Variants in GFRAL observed in about 807,000 individuals in gnomAD.
The protein encoded by GFRAL is GDNF family receptor alpha-like.
GFRAL carries 36 observed loss-of-function variants against 45.4 expected under a neutral mutation model. That is an observed-to-expected ratio of 0.79 (90% CI 0.61 to 1.05). GFRAL has a LOEUF of 1.05. GFRAL is among the 50% of genes least tolerant of loss of function. The pLI, the probability that GFRAL is intolerant of heterozygous loss-of-function variation, is 0.00. For missense variants in GFRAL, 507 were observed against 467.5 expected, an observed-to-expected ratio of 1.08 and a Z score of -0.78; for synonymous variants, 166 against 154.1, an observed-to-expected ratio of 1.08 and a Z score of -0.57.
chr6:55,334,337 T>C (rs1767866508), intron 3 of GFRAL, among the ~76,000 whole-genome samples: 1 of 152,204 alleles, frequency 6.6e-6, no homozygotes, highest in Admixed American at 6.5e-5. Flanking sequence ...GATATTATCT[T>C]TGTTGTTAAG....
At chr6:55,334,613 ATTC>A (rs1236456888) in intron 3 of GFRAL, among the ~76,000 whole-genome samples, 2 of 152,176 alleles carry the variant, frequency 1.3e-5, no homozygotes, top group African/African-American at 4.8e-5. Flanking sequence ...AGAGTGCTCA[ATTC>A]TTCTTTCACA....
intron 3 of GFRAL, 23 bp from the exon 4 acceptor site, chr6:55,350,069 T>C: frequency 7.2e-7 from 1 of 1,387,284 alleles, no homozygotes; most frequent in Admixed American, 1.7e-5. Context: ...AATAATGAAA[T>C]AATTTCTTTG....
At chr6:55,339,615 C>G (rs946919007) in intron 3 of GFRAL, among the ~76,000 whole-genome samples, 3 of 151,610 alleles carry the variant, frequency 2.0e-5, no homozygotes, top group Admixed American at 6.6e-5. Context: ...ATTTTTGAAG[C>G]CAATGAAAGA....
At chr6:55,339,307 A>G (rs1282141776) in intron 3 of GFRAL, among the ~76,000 whole-genome samples, 3 of 152,164 alleles carry the variant, frequency 2.0e-5, no homozygotes, top group African/African-American at 7.2e-5. Flanking sequence ...CATGCTTTGG[A>G]ATATTCGAGT....
intron 4 of GFRAL, among the ~76,000 whole-genome samples, chr6:55,350,487 C>T (rs758621347): frequency 6.6e-6 from 1 of 151,982 alleles, no homozygotes; most frequent in East Asian, 1.9e-4. Context: ...CCAACCTGGA[C>T]AACATGGCAA....
chr6:55,364,355 T>G (rs1312802709), intron 6 of GFRAL, among the ~76,000 whole-genome samples: 5,083 of 146,612 alleles, frequency 0.035, 141 homozygotes, highest in African/African-American at 0.066. Context: ...GTCGGATGAG[T>G]AGGTTGCGAA....
chr6:55,357,903 C>T (rs1387312610), intron 5 of GFRAL, among the ~76,000 whole-genome samples: 2 of 151,746 alleles, frequency 1.3e-5, no homozygotes, highest in African/African-American at 4.8e-5. Context: ...TCAATACTTC[C>T]AAAACTTACA....
rs1286483083 is a variant in GFRAL, at chr6:55,367,343, G to C, written c.952+8205G>C. ...TTTGAGCCTATGGGTGTCTCTGCAC[G>C]TGAGATGGGTTTCCTGAATACAGCA... On this transcript the variant is annotated intron_variant, in intron 6 of 8. Coordinates refer to ENST00000340465, the MANE Select transcript of GFRAL (RefSeq NM_207410.2). Among the ~76,000 whole-genome samples, 8 of 142,582 alleles carry C rather than the reference G, an allele frequency of 5.6e-5. 2 individuals carry two copies. The highest frequency in any genetic ancestry group is 9.1e-5 in the Non-Finnish European group (6 of 65,890). 93.5% of individuals were successfully genotyped at this position (142,582 alleles called of 152,430 possible).
intron 6 of GFRAL, among the ~76,000 whole-genome samples, chr6:55,384,587 G>A (rs1768655605): frequency 6.6e-6 from 1 of 152,074 alleles, no homozygotes; most frequent in Admixed American, 6.6e-5. Context: ...GTTTAGAAAG[G>A]AGTGAAGAAT....
intron 6 of GFRAL, among the ~76,000 whole-genome samples, chr6:55,393,536 T>G (rs968680919): frequency 1.3e-5 from 2 of 152,108 alleles, no homozygotes; most frequent in Non-Finnish European, 2.9e-5. Context: ...GGCAGACACC[T>G]GAAGAAAGAG....
chr6:55,391,194 G>T (rs1271167789), intron 6 of GFRAL, among the ~76,000 whole-genome samples: 1 of 151,946 alleles, frequency 6.6e-6, no homozygotes, highest in Non-Finnish European at 1.5e-5. Context: ...AGGGGAGACA[G>T]ACTTAGTTCT....
chr6:55,393,480 T>C (rs1176720436), intron 6 of GFRAL, among the ~76,000 whole-genome samples: 2 of 152,180 alleles, frequency 1.3e-5, no homozygotes, highest in Non-Finnish European at 2.9e-5. Flanking sequence ...ATGGTTCTAC[T>C]TGAGTAAAAT....
At chr6:55,347,477 G>C (rs1385491130) in intron 3 of GFRAL, among the ~76,000 whole-genome samples, 1 of 152,020 alleles carries the variant, frequency 6.6e-6, no homozygotes, top group African/African-American at 2.4e-5. Flanking sequence ...AGGTAGAGGA[G>C]AATATTGAGA....
At chr6:55,387,347 G>A (rs960805200) in intron 6 of GFRAL, among the ~76,000 whole-genome samples, 1 of 152,162 alleles carries the variant, frequency 6.6e-6, no homozygotes, top group African/African-American at 2.4e-5. Flanking sequence ...TAGGGTTAGT[G>A]CCAAAGCTGC....
chr6:55,345,611 T>C (rs1259115991), intron 3 of GFRAL, among the ~76,000 whole-genome samples: 1 of 152,142 alleles, frequency 6.6e-6, no homozygotes, highest in Non-Finnish European at 1.5e-5. Context: ...ACCTAGGCAA[T>C]ACCATTCAGG....
At chr6:55,355,238 G>A (rs1768174165) in intron 5 of GFRAL, among the ~76,000 whole-genome samples, 1 of 151,638 alleles carries the variant, frequency 6.6e-6, no homozygotes, top group South Asian at 2.1e-4. Context: ...AGTCGGGGGC[G>A]AGGGGAGGGA....
chr6:55,357,441 T>G (rs1768210226), intron 5 of GFRAL, among the ~76,000 whole-genome samples: 1 of 151,946 alleles, frequency 6.6e-6, no homozygotes, highest in East Asian at 1.9e-4. Flanking sequence ...TTTATAGTTT[T>G]TTTCTTGAAA....
At chr6:55,399,502 A>G in intron 8 of GFRAL, 61 bp downstream of exon 8, 1 of 1,022,668 alleles carries the variant, frequency 9.8e-7, no homozygotes, top group South Asian at 1.3e-5. Context: ...GTGTTAAAGC[A>G]TGTTGCACAA....
At chr6:55,351,666 AT>A (rs1343766555) in intron 5 of GFRAL, 83 bp downstream of exon 5, 1 of 944,562 alleles carries the variant, frequency 1.1e-6, no homozygotes, top group Non-Finnish European at 1.6e-6. Context: ...ATCTCATAAC[AT>A]TAGCTAGAGT....
Sources: allele counts gnomAD v4.1 joint callset (sites outside exome capture counted in the v4.1 genomes callset), GRCh38; gene constraint gnomAD v4.1.1; transcripts MANE v1.5; gene names NCBI Gene and HGNC (gene_info 2026-07-23, HGNC 2026-07-21).